Variants in FNDC3A observed in about 807,000 individuals in gnomAD.
The protein encoded by FNDC3A is fibronectin type III domain containing 3A.
Under a neutral mutation model 148.9 loss-of-function variants are expected in FNDC3A, and 32 were observed. That is an observed-to-expected ratio of 0.21 (90% CI 0.16 to 0.29). The LOEUF is 0.29. Ranked by LOEUF, FNDC3A falls within the 10% of genes least tolerant of loss-of-function variation. FNDC3A has a pLI of 1.00. For missense variants in FNDC3A, 1,191 were observed against 1,452.8 expected (o/e 0.82, Z 2.93); for synonymous variants, 472 against 473.6 (o/e 1.00, Z 0.04).
At chr13:49,148,667 G>A (rs893846411) in intron 8 of FNDC3A, among the ~76,000 whole-genome samples, 3 of 152,074 alleles carry the variant, frequency 2.0e-5, no homozygotes, top group African/African-American at 7.2e-5. Flanking sequence ...TTTTTACTTA[G>A]GATTGCGTTG....
chr13:49,066,159 T>C (rs1395931722), intron 2 of FNDC3A, among the ~76,000 whole-genome samples: 2 of 152,158 alleles, frequency 1.3e-5, no homozygotes, highest in Non-Finnish European at 2.9e-5. Context: ...AATTATAAAA[T>C]ACCTTTGAAA....
At chr13:49,013,638 A>ATGTACATGTG (rs1394368256) in intron 2 of FNDC3A, among the ~76,000 whole-genome samples, 202 of 150,854 alleles carry the variant, frequency 1.3e-3, no homozygotes, top group African/African-American at 4.7e-3. Context: ...ACATGTATAC[A>ATGTACATGTG]TGTACATGTG....
At chr13:49,202,522 T>C (rs912686772) in intron 24 of FNDC3A, among the ~76,000 whole-genome samples, 3 of 152,252 alleles carry the variant, frequency 2.0e-5, no homozygotes, top group Non-Finnish European at 4.4e-5. Context: ...CTGAAAAGTC[T>C]ATAAAGTTAA....
intron 2 of FNDC3A, among the ~76,000 whole-genome samples, chr13:49,032,741 A>G (rs1382239807): frequency 6.6e-6 from 1 of 152,198 alleles, no homozygotes; most frequent in Non-Finnish European, 1.5e-5. Flanking sequence ...GTCTCAAAAA[A>G]AAAAAAGTCT....
In FNDC3A at chr13:49,079,577, A is replaced by G. The variant is rs530189874; in HGVS notation, c.175+4213A>G. On this transcript the variant is annotated intron_variant, in intron 3 of 25. Coordinates refer to ENST00000492622, the MANE Select transcript of FNDC3A (RefSeq NM_001079673.2). Reference sequence around the variant, plus strand: ...ACAGAAGGAAAGAATGACTTGACTTATTTGAATAACCACAAAGAGATTGGA... The same window carrying G: ...ACAGAAGGAAAGAATGACTTGACTTGTTTGAATAACCACAAAGAGATTGGA... 6.4e-4 allele frequency among the ~76,000 whole-genome samples: 98 copies of G among 152,244 alleles called. 1 individual carries two copies. The highest frequency in any genetic ancestry group is 1.2e-3 in the Non-Finnish European group (83 of 68,038).
At chr13:49,100,237 C>T (rs1438775196) in intron 3 of FNDC3A, among the ~76,000 whole-genome samples, 1 of 151,848 alleles carries the variant, frequency 6.6e-6, no homozygotes, top group Non-Finnish European at 1.5e-5. Context: ...ACTTTATCTC[C>T]CTCAGTGTAA....
chr13:49,197,596 G>A (rs1886214999), intron 20 of FNDC3A, 129 bp from the exon 21 acceptor site: 2 of 689,866 alleles, frequency 2.9e-6, no homozygotes, highest in East Asian at 2.8e-5. Flanking sequence ...AGTTTTGATT[G>A]TGCTTAAAAG....
At chr13:49,176,237 A>G (rs542152679) in intron 13 of FNDC3A, among the ~76,000 whole-genome samples, 106 of 152,186 alleles carry the variant, frequency 7.0e-4, no homozygotes, top group African/African-American at 2.0e-3. Context: ...GTCTTTTTCT[A>G]TTGTTTGTAA....
At chr13:48,983,398 C>CT (rs1293419645) in intron 1 of FNDC3A, among the ~76,000 whole-genome samples, 1 of 152,128 alleles carries the variant, frequency 6.6e-6, no homozygotes, top group Non-Finnish European at 1.5e-5. Context: ...GAGTCAGCAA[C>CT]TTTTTTAATA....
chr13:49,049,708 T>C (rs148599866), intron 2 of FNDC3A, among the ~76,000 whole-genome samples: 27 of 29,804 alleles, frequency 9.1e-4, no homozygotes, highest in South Asian at 3.1e-3. Context: ...CTTCTCTTCT[T>C]TTCTTTTCTT....
chr13:49,091,000 G>C (rs560748865), intron 3 of FNDC3A, among the ~76,000 whole-genome samples: 26 of 152,216 alleles, frequency 1.7e-4, no homozygotes, highest in African/African-American at 6.3e-4. Context: ...TCTCAAATCT[G>C]CTTTTACAGG....
At chr13:49,074,309 A>G (rs1877947977) in intron 2 of FNDC3A, among the ~76,000 whole-genome samples, 1 of 152,176 alleles carries the variant, frequency 6.6e-6, no homozygotes, top group South Asian at 2.1e-4. Flanking sequence ...TAGCTTAGCT[A>G]GCTCCCATTT....
intron 3 of FNDC3A, among the ~76,000 whole-genome samples, chr13:49,081,536 G>A (rs1265370118): frequency 6.6e-6 from 1 of 152,134 alleles, no homozygotes; most frequent in Non-Finnish European, 1.5e-5. Flanking sequence ...GTGTCCGTGT[G>A]TATACACATC....
rs1310109766 is a variant in FNDC3A at position 49,021,697 on chromosome 13, C to CA, written c.99+15416dup. The stretch of plus-strand genomic sequence containing the variant: ...AGCCTTTGGTTAATTTCTAGAGTTC[C>CA]AAAAAAAATTAGTTTTGACGATTTA... On this transcript the variant is annotated intron_variant, in intron 2 of 25. Transcript: ENST00000492622. 3.3e-5 allele frequency among the ~76,000 whole-genome samples: 5 copies of CA among 151,804 alleles called. 1 individual carries two copies. The highest frequency in any genetic ancestry group is 2.6e-4 in the Admixed American group (4 of 15,248).
intron 3 of FNDC3A, among the ~76,000 whole-genome samples, chr13:49,084,782 T>G (rs1223203554): frequency 6.6e-6 from 1 of 152,174 alleles, no homozygotes; most frequent in African/African-American, 2.4e-5. Context: ...CCTTTTGGTT[T>G]CAAGTGGCTC....
intron 9 of FNDC3A, 114 bp downstream of exon 9, chr13:49,167,417 AAC>A (rs1334996617): frequency 3.1e-6 from 2 of 648,922 alleles, no homozygotes; most frequent in Non-Finnish European, 5.0e-6. Flanking sequence ...TTGGATTAAA[AAC>A]AGACTTTGTG....
intron 4 of FNDC3A, among the ~76,000 whole-genome samples, chr13:49,118,759 C>T (rs1881133246): frequency 6.6e-6 from 1 of 152,310 alleles, no homozygotes; most frequent in African/African-American, 2.4e-5. Context: ...CTGGGCAGAG[C>T]CCACCGCAGC....
intron 16 of FNDC3A, among the ~76,000 whole-genome samples, chr13:49,187,927 C>T (rs1389572707): frequency 6.6e-6 from 1 of 152,086 alleles, no homozygotes; most frequent in Non-Finnish European, 1.5e-5. Context: ...CCTCTATACA[C>T]CTAGACCAAG....
At chr13:49,136,938 C>T (rs957674387) in intron 6 of FNDC3A, among the ~76,000 whole-genome samples, 10 of 150,514 alleles carry the variant, frequency 6.6e-5, no homozygotes, top group East Asian at 2.0e-4. Context: ...TGGAGTGGCA[C>T]GATCATAGAT....
Sources: gnomAD v4.1 joint callset for allele counts (sites outside exome capture counted in the v4.1 genomes callset) on GRCh38, gnomAD v4.1.1 for gene constraint, MANE v1.5 for transcripts, NCBI Gene and HGNC (gene_info 2026-07-23, HGNC 2026-07-21) for gene names.